KLRG1: variants seen among roughly 807,000 people sequenced by gnomAD.
KLRG1 encodes the protein killer cell lectin like receptor G1, also known as killer cell lectin-like receptor subfamily G member 1.
KLRG1 carries 16 observed loss-of-function variants against 21.8 expected under a neutral mutation model. That is an observed-to-expected ratio of 0.73 (90% CI 0.50 to 1.11). The LOEUF (loss-of-function observed/expected upper bound fraction) is 1.11. KLRG1 is among the 50% of genes most tolerant of loss of function. The probability of loss-of-function intolerance (pLI) is 0.00; values close to 1 mark genes in which losing one functional copy is unlikely to be tolerated. For missense variants in KLRG1, 173 were observed against 218.3 expected, an observed-to-expected ratio of 0.79 and a Z score of 1.31; for synonymous variants, 69 against 75.9, an observed-to-expected ratio of 0.91 and a Z score of 0.47.
At chr12:9,051,264 C>T in the KLRG1 span, among the ~76,000 whole-genome samples, 2 of 152,294 alleles carry the variant, frequency 1.3e-5, no homozygotes, top group African/African-American at 4.8e-5. Flanking sequence ...CTTCCAGAGA[C>T]GGGATTACCA....
At chr12:8,961,707 TG>T (rs1451596333) in intron 1 of KLRG1, among the ~76,000 whole-genome samples, 2 of 152,150 alleles carry the variant, frequency 1.3e-5, no homozygotes, top group Admixed American at 1.3e-4. Context: ...TGTGAGCTAC[TG>T]CCCATGGCAG....
chr12:9,147,488 G>C, the KLRG1 span, among the ~76,000 whole-genome samples: 1 of 152,162 alleles, frequency 6.6e-6, no homozygotes, highest in Non-Finnish European at 1.5e-5. Context: ...AGCATGTCCT[G>C]AATCTTACTG....
At chr12:9,162,268 G>C in the KLRG1 span, 13 of 216,896 alleles carry the variant, frequency 6.0e-5, no homozygotes, top group Non-Finnish European at 2.7e-5. Flanking sequence ...GGCTAACCCT[G>C]CTCTCTTTCT....
intron 1 of KLRG1, among the ~76,000 whole-genome samples, chr12:8,952,889 G>A (rs892833656): frequency 3.3e-5 from 5 of 152,202 alleles, no homozygotes; most frequent in African/African-American, 4.8e-5. Flanking sequence ...GTCACACATT[G>A]TAATTAGTTG....
the KLRG1 span, among the ~76,000 whole-genome samples, chr12:9,097,947 C>T: frequency 2.6e-5 from 4 of 152,270 alleles, no homozygotes; most frequent in African/African-American, 9.6e-5. Flanking sequence ...CTTATAAAAA[C>T]GGAAATCTGA....
At chr12:9,150,522 C>A in the KLRG1 span, 2 of 654,198 alleles carry the variant, frequency 3.1e-6, no homozygotes, top group African/African-American at 1.8e-5. Context: ...TTATAGTGTA[C>A]ATCTTGGAGG....
the KLRG1 span, among the ~76,000 whole-genome samples, chr12:9,047,150 G>A: frequency 6.6e-6 from 1 of 152,144 alleles, no homozygotes; most frequent in Non-Finnish European, 1.5e-5. Flanking sequence ...CACCACACCT[G>A]GCTTTATTTT....
the KLRG1 span, chr12:9,077,676 C>G: frequency 1.2e-6 from 2 of 1,610,616 alleles, no homozygotes; most frequent in Admixed American, 3.3e-5. Context: ...ATGGACAAAT[C>G]AAAACTAGCT....
the KLRG1 span, among the ~76,000 whole-genome samples, chr12:9,183,771 T>A: frequency 1.3e-5 from 2 of 152,194 alleles, 1 homozygote; most frequent in East Asian, 3.8e-4. Flanking sequence ...CTACGTAGAA[T>A]GTGGAATTTT....
At chr12:9,193,384 A>T in the KLRG1 span, among the ~76,000 whole-genome samples, 1 of 152,138 alleles carries the variant, frequency 6.6e-6, no homozygotes, top group Non-Finnish European at 1.5e-5. Flanking sequence ...GTTCCTATTT[A>T]AAAAAACCTT....
chr12:9,070,524 G>A, the KLRG1 span: 1 of 1,613,866 alleles, frequency 6.2e-7, no homozygotes, highest in Non-Finnish European at 8.5e-7. Context: ...TGAAGCCAGA[G>A]ACCATCTTCA....
At chr12:9,158,616 T>G in the KLRG1 span, 1 of 1,604,064 alleles carries the variant, frequency 6.2e-7, no homozygotes, top group South Asian at 1.1e-5. Flanking sequence ...CTCTTTTCAT[T>G]GAGCACTTTA....
the KLRG1 span, chr12:9,028,149 C>CTTTTTTTTTT: frequency 6.2e-6 from 3 of 485,894 alleles, no homozygotes; most frequent in East Asian, 3.6e-5. Flanking sequence ...TCGTCTTCTT[C>CTTTTTTTTTT]TTTTTTTTTT....
At chr12:9,196,713 G>A in the KLRG1 span, 1 of 1,518,094 alleles carries the variant, frequency 6.6e-7, no homozygotes, top group East Asian at 2.3e-5. Context: ...ACCAATAAAT[G>A]TCAAACTGAT....
chr12:9,131,072 T>G, the KLRG1 span, among the ~76,000 whole-genome samples: 1 of 152,204 alleles, frequency 6.6e-6, no homozygotes, highest in Non-Finnish European at 1.5e-5. Context: ...TTGGCACCCT[T>G]GTTGAAGATC....
chr12:9,123,241 C>T, the KLRG1 span, among the ~76,000 whole-genome samples: 2 of 152,066 alleles, frequency 1.3e-5, no homozygotes, highest in Admixed American at 6.5e-5. Flanking sequence ...AGTACCTAAC[C>T]CTATATATAC....
the KLRG1 span, among the ~76,000 whole-genome samples, chr12:9,035,298 GGA>G: frequency 1.5e-4 from 23 of 152,084 alleles, no homozygotes; most frequent in African/African-American, 5.1e-4. Flanking sequence ...TCCTTTGCAG[GGA>G]CATGGATGAA....
the KLRG1 span, chr12:9,067,596 G>T: frequency 6.7e-6 from 4 of 598,542 alleles, no homozygotes; most frequent in Admixed American, 2.5e-5. Flanking sequence ...TCATTTTTTT[G>T]TATTCTGAAG....
chr12:9,194,685 C>T, the KLRG1 span, among the ~76,000 whole-genome samples: 2 of 152,052 alleles, frequency 1.3e-5, no homozygotes, highest in African/African-American at 2.4e-5. Context: ...AGGATGGTCT[C>T]GATCGCCTGA....
Sources: gnomAD v4.1 joint callset for allele counts (sites outside exome capture counted in the v4.1 genomes callset) on GRCh38, gnomAD v4.1.1 for gene constraint, MANE v1.5 for transcripts, NCBI Gene and HGNC (gene_info 2026-07-23, HGNC 2026-07-21) for gene names.